Variants in ME3 observed in about 807,000 individuals in gnomAD.
The protein encoded by ME3 is malic enzyme 3, also known as NADP-dependent malic enzyme, mitochondrial.
Under a neutral mutation model 68.9 loss-of-function variants are expected in ME3, and 48 were observed. That is an observed-to-expected ratio of 0.70 (90% CI 0.55 to 0.89). The LOEUF (loss-of-function observed/expected upper bound fraction) is 0.89. ME3 is among the 40% of genes least tolerant of loss of function. The pLI, the probability that ME3 is intolerant of heterozygous loss-of-function variation, is 0.00. For missense variants in ME3, 675 were observed against 797.4 expected (o/e 0.85, Z 1.85); for synonymous variants, 320 against 318.8 (o/e 1.00, Z -0.04).
chr11:86,637,368 A>G (rs1392406317), intron 2 of ME3, among the ~76,000 whole-genome samples: 2 of 144,980 alleles, frequency 1.4e-5, no homozygotes, highest in African/African-American at 5.0e-5. Flanking sequence ...AAAAAAAAGC[A>G]AAACTCATTA....
At chr11:86,463,204 C>G (rs1052671847) in intron 8 of ME3, among the ~76,000 whole-genome samples, 1 of 152,142 alleles carries the variant, frequency 6.6e-6, no homozygotes, top group East Asian at 1.9e-4. Context: ...ATGTGGCTGT[C>G]TGTGTGTCTG....
intron 4 of ME3, among the ~76,000 whole-genome samples, chr11:86,537,286 T>TAA (rs200108181): frequency 8.0e-5 from 12 of 149,424 alleles, no homozygotes; most frequent in South Asian, 2.1e-4. Context: ...TAAAGTATAA[T>TAA]AAAAAAAAAC....
chr11:86,465,032 G>A, intron 8 of ME3, 59 bp downstream of exon 8: 7 of 1,379,542 alleles, frequency 5.1e-6, no homozygotes, highest in South Asian at 1.2e-5. Flanking sequence ...TGGCATCCCA[G>A]TGAGGTTGAG....
intron 4 of ME3, among the ~76,000 whole-genome samples, chr11:86,537,788 A>T (rs997144637): frequency 1.3e-5 from 2 of 152,182 alleles, no homozygotes; most frequent in African/African-American, 2.4e-5. Flanking sequence ...CACACAAGTA[A>T]CATCTGTATT....
At chr11:86,491,348 G>A (rs1362788067) in intron 6 of ME3, among the ~76,000 whole-genome samples, 1 of 152,238 alleles carries the variant, frequency 6.6e-6, no homozygotes, top group Non-Finnish European at 1.5e-5. Flanking sequence ...GAACCAGGGA[G>A]CCAAGGGGCA....
At chr11:86,657,766 CTTAT>C (rs796082963) in intron 2 of ME3, among the ~76,000 whole-genome samples, 16 of 152,198 alleles carry the variant, frequency 1.1e-4, no homozygotes, top group African/African-American at 3.9e-4. Context: ...TGTTCGTTCA[CTTAT>C]TTATTATCTG....
intron 2 of ME3, among the ~76,000 whole-genome samples, chr11:86,632,401 C>A (rs1021011669): frequency 1.3e-5 from 2 of 152,158 alleles, no homozygotes; most frequent in Admixed American, 6.5e-5. Flanking sequence ...CTTGGACTCG[C>A]TTCCCTGTGC....
chr11:86,535,250 C>G (rs143893508), intron 4 of ME3, among the ~76,000 whole-genome samples: 1 of 152,198 alleles, frequency 6.6e-6, no homozygotes, highest in Non-Finnish European at 1.5e-5. Context: ...AGGAGGTTCA[C>G]CCTACCTTCA....
chr11:86,652,591 G>T (rs1945528163), intron 2 of ME3, among the ~76,000 whole-genome samples: 1 of 152,026 alleles, frequency 6.6e-6, no homozygotes, highest in South Asian at 2.1e-4. Context: ...GCTCCTGAGG[G>T]AAGCACTAAA....
At chr11:86,665,316 A>G (rs1201532856) in intron 2 of ME3, among the ~76,000 whole-genome samples, 4 of 152,198 alleles carry the variant, frequency 2.6e-5, no homozygotes, top group Admixed American at 1.3e-4. Context: ...GAAGGTTGAA[A>G]GGACTGTTCA....
rs201240720 is a variant in ME3 at position 86,523,640 on chromosome 11, GTTC to G, written c.468-14776_468-14774del. 6.8e-3 allele frequency among the ~76,000 whole-genome samples: 1,032 copies of G among 152,204 alleles called. 10 individuals carry two copies. Among genetic ancestry groups the G allele is most frequent in the African/African-American group, 0.024 (993 of 41,522 alleles). On this transcript the variant is annotated intron_variant, in intron 4 of 14. Transcript: ENST00000543262. ...AAGAGTTGAAAGAGTTTCTCCATCT[GTTC>G]TTCTTGAATAAGAAGAATGCTGATA...
intron 2 of ME3, among the ~76,000 whole-genome samples, chr11:86,601,623 T>C (rs1278222788): frequency 2.0e-5 from 3 of 151,994 alleles, no homozygotes; most frequent in Non-Finnish European, 2.9e-5. Flanking sequence ...ATCATCCTGA[T>C]ACCAAAGCCG....
intron 4 of ME3, among the ~76,000 whole-genome samples, chr11:86,529,331 C>A (rs1955021668): frequency 6.6e-6 from 1 of 152,140 alleles, no homozygotes; most frequent in Non-Finnish European, 1.5e-5. Flanking sequence ...TCTGAATGGA[C>A]CAATAACAGG....
At chr11:86,605,028 G>A (rs1026804861) in intron 2 of ME3, among the ~76,000 whole-genome samples, 1 of 152,056 alleles carries the variant, frequency 6.6e-6, no homozygotes, top group Non-Finnish European at 1.5e-5. Flanking sequence ...CCTAAGCTCT[G>A]AGCAATCACC....
intron 2 of ME3, among the ~76,000 whole-genome samples, chr11:86,634,439 A>G (rs1944207514): frequency 6.6e-6 from 1 of 152,178 alleles, no homozygotes; most frequent in Non-Finnish European, 1.5e-5. Context: ...TAGACTTCCC[A>G]GTTTTCTTAG....
intron 2 of ME3, among the ~76,000 whole-genome samples, chr11:86,571,304 T>G (rs1024769576): frequency 5.9e-5 from 9 of 152,252 alleles, no homozygotes; most frequent in Non-Finnish European, 8.8e-5. Context: ...TCTTCTGTGC[T>G]TGGTCCTATT....
chr11:86,590,969 T>C (rs1244297984), intron 2 of ME3, among the ~76,000 whole-genome samples: 1 of 152,124 alleles, frequency 6.6e-6, no homozygotes, highest in Non-Finnish European at 1.5e-5. Context: ...CAAGGTACAT[T>C]TCAGAGGGAG....
At chr11:86,624,760 T>G (rs2135285168) in intron 2 of ME3, among the ~76,000 whole-genome samples, 1 of 152,356 alleles carries the variant, frequency 6.6e-6, no homozygotes, top group Admixed American at 6.5e-5. Context: ...TCCTCCAAAC[T>G]TCTCCTCTGG....
At chr11:86,650,151 C>A (rs529048221) in intron 2 of ME3, among the ~76,000 whole-genome samples, 2 of 152,248 alleles carry the variant, frequency 1.3e-5, no homozygotes, top group South Asian at 4.2e-4. Flanking sequence ...AGAAATAATA[C>A]CACATATCTA....
Sources: gnomAD v4.1 joint callset for allele counts (sites outside exome capture counted in the v4.1 genomes callset) on GRCh38, gnomAD v4.1.1 for gene constraint, MANE v1.5 for transcripts, NCBI Gene and HGNC (gene_info 2026-07-23, HGNC 2026-07-21) for gene names.